The following AP1M1 variants were observed in gnomAD, a reference collection of about 807,000 sequenced individuals.
AP1M1 encodes the protein AP-1 complex subunit mu-1.
A neutral mutation model predicts 57.1 loss-of-function variants in AP1M1; 18 were observed. That is an observed-to-expected ratio of 0.32 (90% CI 0.22 to 0.47). The LOEUF (loss-of-function observed/expected upper bound fraction) is 0.47, where lower values mean the gene tolerates loss of function less well. AP1M1 is among the 20% of genes least tolerant of loss of function. AP1M1 has a pLI of 1.00. For missense variants in AP1M1, 362 were observed against 593.5 expected (o/e 0.61, Z 4.05); for synonymous variants, 241 against 237.9 (o/e 1.01, Z -0.12).
intron 6 of AP1M1, chr19:16,226,843 C>G: frequency 3.3e-6 from 1 of 299,596 alleles, no homozygotes; most frequent in Non-Finnish European, 6.2e-6. Context: ...TAGGCTAAGG[C>G]CTTGCTCTCT....
In AP1M1 at chr19:16,203,427, C is replaced by G. The variant is rs1309737244; in HGVS notation, c.43-32C>G. ...CCCCCAGATTGTAGAACTGAAAATG[C>G]AAGCATCTTTTCTCTTCCTTCCCCA... is the stretch of plus-strand genomic sequence containing the variant. On this transcript the variant is annotated intron_variant, in intron 1 of 11. Coordinates refer to ENST00000291439, the MANE Select transcript of AP1M1 (RefSeq NM_032493.4). This position sits in a 1 kb window ranked among gnomAD's most constrained non-coding sequence, Gnocchi z 4.6. The G allele has an allele frequency of 1.9e-6, 3 of 1,613,710 alleles. No homozygotes were observed. Among genetic ancestry groups the G allele is most frequent in the Non-Finnish European group, 2.5e-6 (3 of 1,179,676 alleles).
intron 5 of AP1M1, among the ~76,000 whole-genome samples, chr19:16,215,804 A>G (rs767840903): frequency 2.6e-5 from 4 of 152,176 alleles, no homozygotes; most frequent in African/African-American, 4.8e-5. Flanking sequence ...AGGGACACCA[A>G]TGAGTTGTAG....
intron 5 of AP1M1, among the ~76,000 whole-genome samples, chr19:16,212,750 C>G (rs2091500932): frequency 6.6e-6 from 1 of 152,178 alleles, no homozygotes; most frequent in Non-Finnish European, 1.5e-5. Flanking sequence ...GTAAATTTCT[C>G]TTAACACTGC....
intron 5 of AP1M1, among the ~76,000 whole-genome samples, chr19:16,211,711 C>T (rs1367114478): frequency 2.0e-5 from 3 of 151,952 alleles, no homozygotes; most frequent in African/African-American, 7.3e-5. Context: ...GATTGTGCCA[C>T]CGCACTCCAG....
intron 1 of AP1M1, among the ~76,000 whole-genome samples, chr19:16,200,901 C>T (rs935737647): frequency 6.6e-6 from 1 of 152,186 alleles, no homozygotes; most frequent in Non-Finnish European, 1.5e-5. Flanking sequence ...CGCGTGCCTC[C>T]CCATGCTGTC....
intron 5 of AP1M1, among the ~76,000 whole-genome samples, chr19:16,215,523 T>TGGCTTGTA (rs1346705554): frequency 6.8e-6 from 1 of 147,972 alleles, no homozygotes; most frequent in Non-Finnish European, 1.5e-5. Context: ...CAATCTCTTC[T>TGGCTTGTA]GGCTTGTAGG....
At chr19:16,225,032 G>A (rs908142322) in intron 5 of AP1M1, among the ~76,000 whole-genome samples, 19 of 152,210 alleles carry the variant, frequency 1.2e-4, no homozygotes, top group African/African-American at 3.1e-4. Context: ...TCAGGGAGCC[G>A]CTTGCGAGAT....
At chr19:16,215,060 C>T (rs1000002538) in intron 5 of AP1M1, among the ~76,000 whole-genome samples, 1 of 151,452 alleles carries the variant, frequency 6.6e-6, no homozygotes, top group South Asian at 2.1e-4. Flanking sequence ...AAAACGATCT[C>T]ATTTCTCCTT....
At position 16,207,143 on chromosome 19, in the gene AP1M1, GC is replaced by G. The variant is rs1401862141; in HGVS notation, c.267+737del. ...TGGCTTCCCGGAGAGGATGGGCCTG[GC>G]CGAGGTGGGCTGTGGGGCTCACGAA... On this transcript the variant is annotated intron_variant, in intron 3 of 11. Coordinates refer to ENST00000291439, the MANE Select transcript of AP1M1 (RefSeq NM_032493.4). This position sits in a 1 kb window ranked among gnomAD's most constrained non-coding sequence, Gnocchi z 4.2. 6.6e-6 allele frequency among the ~76,000 whole-genome samples: 1 copy of G among 152,192 alleles called. No homozygotes were observed. Among genetic ancestry groups the G allele is most frequent in the African/African-American group, 2.4e-5 (1 of 41,440 alleles).
intron 1 of AP1M1, among the ~76,000 whole-genome samples, chr19:16,200,936 C>T (rs889413847): frequency 6.6e-6 from 1 of 152,198 alleles, no homozygotes; most frequent in African/African-American, 2.4e-5. Context: ...GGCTTTGACT[C>T]ATGTCCATGG....
intron 6 of AP1M1, chr19:16,226,762 G>C: frequency 1.6e-6 from 1 of 606,358 alleles, no homozygotes; most frequent in South Asian, 3.0e-5. Flanking sequence ...GTCCAGCTGG[G>C]AGGCCCCCGT....
At position 16,207,633 on chromosome 19, in the gene AP1M1, C is replaced by T. The variant is rs1194250389; in HGVS notation, c.268-386C>T. 1.3e-5 allele frequency among the ~76,000 whole-genome samples: 2 copies of T among 152,174 alleles called. No individual in the cohort carries two copies. The highest frequency in any genetic ancestry group is 2.9e-5 in the Non-Finnish European group (2 of 68,032). On this transcript the variant is annotated intron_variant, in intron 3 of 11. Transcript: ENST00000291439. This position sits in a 1 kb window ranked among gnomAD's most constrained non-coding sequence, Gnocchi z 4.2. ...TTCCATTGAAATGGGGAAGATGCAT[C>T]AAGCTTTCCACTGAAATGGGGAAGA...
Position 16,209,138 on chromosome 19 carries a change from T to C in AP1M1, c.507T>C (p.Asn169=), listed in dbSNP as rs932851853. Residue 169 remains asparagine (N), a synonymous_variant, in exon 5 of 12, where the codon AAT becomes AAC. Coordinates refer to ENST00000291439, the MANE Select transcript of AP1M1 (RefSeq NM_032493.4). ...WRSEGIKYRK[N]EVFLDVIESV... Reference sequence around the variant, plus strand: ...CCGAAGGCATCAAGTATCGGAAGAATGAGGTGTTCTTGGACGTCATCGAGT... The same window carrying C: ...CCGAAGGCATCAAGTATCGGAAGAACGAGGTGTTCTTGGACGTCATCGAGT... 2.5e-6 allele frequency: 4 copies of C among 1,614,128 alleles called. No individual in the cohort carries two copies. The highest frequency in any genetic ancestry group is 1.7e-5 in the Admixed American group (1 of 60,010).
In AP1M1 at chr19:16,238,781, A is replaced by G. The variant is rs2091634572; in HGVS notation, c.*4346A>G. ...GTTGCCCAGGCCAAAGTGCAGTGGC[A>G]TGGTCACGGCTCACTGCAGCTTCAA... On this transcript the variant is annotated 3_prime_UTR_variant, in exon 12 of 12. Transcript: ENST00000291439. 1.4e-5 allele frequency: 2 copies of G among 143,750 alleles called. No individual in the cohort carries two copies. Among genetic ancestry groups the G allele is most frequent in the African/African-American group, 5.3e-5 (2 of 37,630 alleles). 8.9% of individuals were successfully genotyped at this position (143,750 alleles called of 1,614,324 possible).
At chr19:16,226,785 C>G in intron 6 of AP1M1, 1 of 477,802 alleles carries the variant, frequency 2.1e-6, no homozygotes, top group South Asian at 3.3e-5. Flanking sequence ...CCCGGCCTCA[C>G]ACGCCAGGTC....
chr19:16,226,325 G>A lies in AP1M1; in HGVS notation c.547-96G>A, dbSNP rs1015628789. 44 of 1,448,408 alleles carry A rather than the reference G, an allele frequency of 3.0e-5. No homozygotes were observed. In the South Asian group the frequency reaches 4.8e-4, roughly 16 times the overall value. The allele number at this position is 1,448,408 out of a possible 1,614,324, so 89.7% of individuals were successfully genotyped here. On this transcript the variant is annotated intron_variant, in intron 5 of 11. Coordinates refer to ENST00000291439, the MANE Select transcript of AP1M1 (RefSeq NM_032493.4). ...GGATGGGCTTGGAGGTGAGAAGGGC[G>A]TTGAGAGTGGGGTGGCCAGAGGGTC...
Position 16,214,081 on chromosome 19 carries a change from C to T in AP1M1, c.546+4904C>T, listed in dbSNP as rs181807756. Reference sequence around the variant, plus strand: ...TTTTTTTTTTTGAGACAAAGTCTCACTGGGTAGCCCAGGCTGGAGTGCCAT... The same window carrying T: ...TTTTTTTTTTTGAGACAAAGTCTCATTGGGTAGCCCAGGCTGGAGTGCCAT... On this transcript the variant is annotated intron_variant, in intron 5 of 11. Transcript: ENST00000291439. 8.5e-3 allele frequency among the ~76,000 whole-genome samples: 1,190 copies of T among 139,534 alleles called. 12 individuals carry two copies. Among genetic ancestry groups the T allele is most frequent in the African/African-American group, 0.029 (1,129 of 38,822 alleles). 91.5% of individuals were successfully genotyped at this position (139,534 alleles called of 152,430 possible). A position where few individuals can be genotyped will look rare whatever the true frequency, so the allele number is the denominator to read the frequency against.
chr19:16,217,864 C>T (rs371602323), intron 5 of AP1M1, among the ~76,000 whole-genome samples: 1 of 152,130 alleles, frequency 6.6e-6, no homozygotes, highest in South Asian at 2.1e-4. Flanking sequence ...AGGTAGGAGG[C>T]AGAACTCGAC....
chr19:16,244,027 T>G lies in AP1M1; in HGVS notation c.*9592T>G, dbSNP rs890004262. ...GAGAATCCATCAAGCATTGATGATT[T>G]GCACACTCTTTTGTGTATATGTTAC... On this transcript the variant is annotated 3_prime_UTR_variant, in exon 12 of 12. Coordinates refer to ENST00000291439, the MANE Select transcript of AP1M1 (RefSeq NM_032493.4). 1.3e-5 allele frequency: 2 copies of G among 152,132 alleles called. No homozygotes were observed. Among genetic ancestry groups the G allele is most frequent in the African/African-American group, 4.8e-5 (2 of 41,418 alleles). 9.4% of individuals were successfully genotyped at this position (152,132 alleles called of 1,614,324 possible).
Sources: gnomAD v4.1 joint callset for allele counts (sites outside exome capture counted in the v4.1 genomes callset) on GRCh38, gnomAD v4.1.1 for gene constraint, Gnocchi (gnomAD v3.1) non-coding constraint, MANE v1.5 for transcripts, NCBI Gene and HGNC (gene_info 2026-07-23, HGNC 2026-07-21) for gene names.